Variants in TOP2B observed in about 807,000 individuals in gnomAD.
TOP2B encodes DNA topoisomerase II beta.
In TOP2B, 51 loss-of-function variants were observed where a neutral mutation model predicts 193.5. The ratio of observed to expected loss-of-function variants is 0.26; its 90% CI spans 0.21 to 0.33. The LOEUF is 0.33. Among genes scored for constraint, TOP2B ranks in the 10% least tolerant of loss-of-function variants. The pLI is 1.00. For synonymous variants in TOP2B, 634 were observed against 635.7 expected (o/e 1.00, Z 0.04); for missense variants, 1,378 against 1,909.3 (o/e 0.72, Z 5.19).
intron 9 of TOP2B, 39 bp from the exon 10 acceptor site, chr3:25,632,622 G>T (rs982444683): frequency 1.2e-6 from 2 of 1,603,372 alleles, no homozygotes; most frequent in Non-Finnish European, 1.7e-6. Flanking sequence ...TATCAGAGCT[G>T]ATATTTAGTA....
intron 23 of TOP2B, 41 bp downstream of exon 23, chr3:25,619,821 A>G: frequency 2.1e-6 from 3 of 1,440,348 alleles, no homozygotes; most frequent in African/African-American, 1.4e-5. Flanking sequence ...GACTTATACC[A>G]TGCAAGAAAG....
At chr3:25,654,731 T>C (rs1703695090) in intron 1 of TOP2B, among the ~76,000 whole-genome samples, 1 of 152,100 alleles carries the variant, frequency 6.6e-6, no homozygotes, top group African/African-American at 2.4e-5. Flanking sequence ...GGCACTGGCA[T>C]ACAGACAGAA....
At position 25,638,314 on chromosome 3, in the gene TOP2B, TAAAAAA is replaced by T. The variant is rs56986587; in HGVS notation, c.396-10_396-5del. 17 of 131,906 alleles carry T rather than the reference TAAAAAA, an allele frequency of 1.3e-4. No individual in the cohort carries two copies. Among genetic ancestry groups the T allele is most frequent in the African/African-American group, 1.2e-3 (12 of 10,130 alleles). The allele number at this position is 131,906 out of a possible 1,614,324, so 8.2% of individuals were successfully genotyped here. On this transcript the variant is annotated splice_region_variant and splice_polypyrimidine_tract_variant and intron_variant, in intron 4 of 35. Coordinates refer to ENST00000264331, the MANE Select transcript of TOP2B (RefSeq NM_001330700.2). Reference sequence around the variant, plus strand: ...AATGCTTATAATGTTAGATTCACTGTAAAAAAAAAAAAAAAAAAAAAAAAAAAAAAA... The same window carrying T: ...AATGCTTATAATGTTAGATTCACTGTAAAAAAAAAAAAAAAAAAAAAAAAA...
At chr3:25,601,068 T>C (rs770942082) in intron 34 of TOP2B, 32 bp downstream of exon 34, 4 of 1,600,754 alleles carry the variant, frequency 2.5e-6, no homozygotes, top group Middle Eastern at 3.4e-4. Context: ...ACACAGCATA[T>C]GTTTAAAGGG....
intron 28 of TOP2B, among the ~76,000 whole-genome samples, 186 bp from the exon 29 acceptor site, chr3:25,609,898 T>TGCA (rs1041948204): frequency 6.6e-6 from 1 of 152,194 alleles, no homozygotes; most frequent in Non-Finnish European, 1.5e-5. Flanking sequence ...TAAATAATAT[T>TGCA]GCATGTAACT....
intron 5 of TOP2B, among the ~76,000 whole-genome samples, chr3:25,637,757 T>C (rs1376992223): frequency 6.6e-6 from 1 of 152,018 alleles, no homozygotes; most frequent in Non-Finnish European, 1.5e-5. Context: ...TGAAAATATA[T>C]GGTTTTGGTC....
intron 27 of TOP2B, among the ~76,000 whole-genome samples, chr3:25,613,643 G>A (rs748766938): frequency 3.9e-5 from 6 of 151,920 alleles, no homozygotes; most frequent in South Asian, 4.2e-4. Context: ...TAGGAGGACT[G>A]CTTGAGCCCA....
At chr3:25,629,268 CA>C in intron 13 of TOP2B, 123 bp from the exon 14 acceptor site, 2 of 628,824 alleles carry the variant, frequency 3.2e-6, no homozygotes, top group Non-Finnish European at 5.2e-6. Context: ...ATGCATTTTA[CA>C]AAAGCTATTA....
chr3:25,605,296 T>C (rs1339258536), intron 32 of TOP2B, among the ~76,000 whole-genome samples: 1 of 152,120 alleles, frequency 6.6e-6, no homozygotes, highest in Non-Finnish European at 1.5e-5. Context: ...ATTCCTATTT[T>C]TAAATAAATT....
intron 4 of TOP2B, 100 bp downstream of exon 4, chr3:25,642,222 A>T (rs1703284937): frequency 5.0e-6 from 3 of 596,566 alleles, no homozygotes; most frequent in Non-Finnish European, 5.6e-6. Flanking sequence ...GGGAAACTTT[A>T]AAAGAGTACT....
intron 27 of TOP2B, among the ~76,000 whole-genome samples, chr3:25,614,639 T>C (rs1702459644): frequency 6.6e-6 from 1 of 152,012 alleles, no homozygotes; most frequent in Admixed American, 6.5e-5. Flanking sequence ...AAAAGTAGTA[T>C]GAGTAATAAA....
At position 25,618,715 on chromosome 3, in the gene TOP2B, A is replaced by G. The variant is rs780561789; in HGVS notation, c.3198T>C (p.Ser1066=). The change falls in exon 24 of 36, where the codon TCT becomes TCC. Residue 1066 remains serine (S), a synonymous_variant. Coordinates refer to ENST00000264331, the MANE Select transcript of TOP2B (RefSeq NM_001330700.2). ...EWLVGMLGAE[S]TKLNNQARFI... ...AACGGGCTTGATTGTTAAGCTTTGT[A>G]GATTCTGCTCCCAACATTCCCACAA... The G allele has an allele frequency of 1.9e-6, 3 of 1,613,482 alleles. No homozygotes were observed. The Admixed American group carries it at 5.0e-5, about 27-fold the overall frequency.
intron 1 of TOP2B, among the ~76,000 whole-genome samples, chr3:25,663,369 C>T (rs1434465259): frequency 1.3e-5 from 2 of 152,142 alleles, no homozygotes; most frequent in Non-Finnish European, 2.9e-5. Flanking sequence ...TCCGAAATAC[C>T]TAGGTTTTCT....
rs1365941262 is a variant in TOP2B, at chr3:25,627,158, A to G, written c.2016+29T>C. 2.0e-6 allele frequency: 3 copies of G among 1,510,582 alleles called. No homozygotes were observed. The African/African-American group carries it at 4.2e-5, about 21-fold the overall frequency. The allele number at this position is 1,510,582 out of a possible 1,614,324, so 93.6% of individuals were successfully genotyped here. A position where few individuals can be genotyped will look rare whatever the true frequency, so the allele number is the denominator to read the frequency against. ...AATAGAAGGTAGGGGGATGGCTAAC[A>G]AAAGCTTTTAAAAAATTAACTTAAT... On this transcript the variant is annotated intron_variant, in intron 16 of 35. Coordinates refer to ENST00000264331, the MANE Select transcript of TOP2B (RefSeq NM_001330700.2).
At chr3:25,642,517 A>T in intron 3 of TOP2B, 132 bp from the exon 4 acceptor site, 1 of 474,984 alleles carries the variant, frequency 2.1e-6, no homozygotes, top group Non-Finnish European at 3.7e-6. Flanking sequence ...AATTACTATT[A>T]ACTTCTCATA....
chr3:25,658,143 G>A (rs924355542), intron 1 of TOP2B, among the ~76,000 whole-genome samples: 1 of 150,460 alleles, frequency 6.6e-6, no homozygotes, highest in African/African-American at 2.4e-5. Flanking sequence ...CAGGAGAATC[G>A]CCAAGAACCC....
At chr3:25,615,314 C>T (rs1201950487) in intron 26 of TOP2B, 26 bp from the exon 27 acceptor site, 1 of 1,587,596 alleles carries the variant, frequency 6.3e-7, no homozygotes, top group South Asian at 1.2e-5. Flanking sequence ...ACAGTTTAAA[C>T]ATTCAATAGT....
Position 25,645,391 on chromosome 3 carries a change from GACA to G in TOP2B, c.146_148del (p.Leu49del). 2 of 1,613,762 alleles carry G rather than the reference GACA, an allele frequency of 1.2e-6. No individual in the cohort carries two copies. Among genetic ancestry groups the G allele is most frequent in the Non-Finnish European group, 1.7e-6 (2 of 1,179,796 alleles). On this transcript the variant is annotated inframe_deletion, in exon 2 of 36. Coordinates refer to ENST00000264331, the MANE Select transcript of TOP2B (RefSeq NM_001330700.2). ...CTTCTTCTGATACACTCTCTCAACA[GACA>G]ACTTCTTTGAAGAATCATTTTTGTT...
intron 27 of TOP2B, among the ~76,000 whole-genome samples, chr3:25,614,952 A>C (rs1702466193): frequency 6.6e-6 from 1 of 152,018 alleles, no homozygotes; most frequent in African/African-American, 2.4e-5. Context: ...ATTTAATCTA[A>C]AACTCAGTTA....
Sources: gnomAD v4.1 joint callset for allele counts (sites outside exome capture counted in the v4.1 genomes callset) on GRCh38, gnomAD v4.1.1 for gene constraint, MANE v1.5 for transcripts, NCBI Gene and HGNC (gene_info 2026-07-23, HGNC 2026-07-21) for gene names.